VIT: variants seen among roughly 807,000 people sequenced by gnomAD.
VIT encodes vitrin.
In VIT, 99 loss-of-function variants were observed where a neutral mutation model predicts 78.0. That is an observed-to-expected ratio of 1.27 (90% CI 1.08 to 1.50). The LOEUF (loss-of-function observed/expected upper bound fraction) is 1.50, where lower values mean the gene tolerates loss of function less well. Ranked by LOEUF, VIT falls within the 40% of genes most tolerant of loss-of-function variation. VIT has a pLI of 0.00. For missense variants in VIT, 1,126 were observed against 875.3 expected (o/e 1.29, Z -3.61); for synonymous variants, 374 against 334.3 (o/e 1.12, Z -1.29).
intron 2 of VIT, among the ~76,000 whole-genome samples, chr2:36,720,210 G>C (rs1573144603): frequency 6.6e-6 from 1 of 152,176 alleles, no homozygotes; most frequent in African/African-American, 2.4e-5. Context: ...AAGAACAAAG[G>C]TGGAGGCATC....
chr2:36,736,553 A>C (rs1349962894), intron 3 of VIT, among the ~76,000 whole-genome samples: 2 of 152,368 alleles, frequency 1.3e-5, no homozygotes, highest in East Asian at 3.9e-4. Context: ...CAATGGCCTT[A>C]GTCCAAAGTG....
chr2:36,706,294 C>A (rs1665415222), intron 1 of VIT, among the ~76,000 whole-genome samples: 3 of 152,158 alleles, frequency 2.0e-5, no homozygotes, highest in Non-Finnish European at 1.5e-5. Flanking sequence ...TACTACTGAT[C>A]ATTTCAGGGG....
chr2:36,801,320 T>G lies in VIT; in HGVS notation c.1078T>G (p.Phe360Val). ...CTTCAGAGACAACCCTGCTACTCAC[T>G]TTAACCTCAAGACACACACGAATTC... ...VQYGDNPATHFNLKTHTNSRD... is the reference protein window; with the variant it reads ...VQYGDNPATHVNLKTHTNSRD... The change falls in exon 13 of 16, where the codon TTT (phenylalanine) becomes GTT (valine). Residue 360 changes from phenylalanine (F) to valine (V), a missense_variant. By Grantham distance (50) the Phe-to-Val change is conservative. Transcript: ENST00000379242. 2.5e-6 allele frequency: 4 copies of G among 1,614,112 alleles called. No individual in the cohort carries two copies. The highest frequency in any genetic ancestry group is 3.3e-4 in the Middle Eastern group (2 of 6,062).
Position 36,808,454 on chromosome 2 carries a change from C to T in VIT, c.1390-18C>T. On this transcript the variant is annotated intron_variant, in intron 14 of 15. Transcript: ENST00000379242. Reference sequence around the variant, plus strand: ...TTTGACCCTGACGTGGCGTGGGTCCCTCCCCTCTGTCTTCTAGGCCGTGTG... The same window carrying T: ...TTTGACCCTGACGTGGCGTGGGTCCTTCCCCTCTGTCTTCTAGGCCGTGTG... The T allele has an allele frequency of 1.3e-6, 2 of 1,586,134 alleles. No homozygotes were observed. The highest frequency in any genetic ancestry group is 1.7e-6 in the Non-Finnish European group (2 of 1,161,262).
At position 36,773,791 on chromosome 2, in the gene VIT, A is replaced by G; in HGVS notation, c.680A>G (p.Asp227Gly). 1 of 1,595,058 alleles carries G rather than the reference A, an allele frequency of 6.3e-7. No individual in the cohort carries two copies. Among genetic ancestry groups the G allele is most frequent in the Non-Finnish European group, 8.6e-7 (1 of 1,168,806 alleles). ...TCTGACCAGTCAAATGTCCTTACAGATCTCTGGTCCACTGCCACCTACACA... is the reference window on the plus strand; with the variant it reads ...TCTGACCAGTCAAATGTCCTTACAGGTCTCTGGTCCACTGCCACCTACACA... ...QSVGHRSQEM[D>G]LWSTATYTSS... Residue 227 changes from aspartate (D) to glycine (G), a missense_variant and splice_region_variant, in exon 8 of 16, where the codon GAT becomes GGT. Transcript: ENST00000379242.
At chr2:36,739,077 A>G (rs143036644) in intron 3 of VIT, among the ~76,000 whole-genome samples, 1 of 152,288 alleles carries the variant, frequency 6.6e-6, no homozygotes, top group East Asian at 1.9e-4. Context: ...TAAAAACAGG[A>G]TTTTACTCTA....
At chr2:36,762,102 T>A (rs756680133) in intron 6 of VIT, among the ~76,000 whole-genome samples, 1 of 152,216 alleles carries the variant, frequency 6.6e-6, no homozygotes, top group Non-Finnish European at 1.5e-5. Context: ...ACTTGGTTTG[T>A]ACGTTCTCCG....
At chr2:36,781,062 A>G (rs1462326022) in intron 9 of VIT, among the ~76,000 whole-genome samples, 2 of 152,152 alleles carry the variant, frequency 1.3e-5, no homozygotes, top group African/African-American at 4.8e-5. Flanking sequence ...ATCTTACTGC[A>G]TACAGGTCCA....
At chr2:36,803,913 C>G (rs1666515666) in intron 13 of VIT, among the ~76,000 whole-genome samples, 1 of 152,104 alleles carries the variant, frequency 6.6e-6, no homozygotes, top group South Asian at 2.1e-4. Context: ...TTCAAGTGCC[C>G]TGGGGTTCAC....
In VIT at chr2:36,783,404, T is replaced by A; in HGVS notation, c.910+2T>A. The A allele has an allele frequency of 6.2e-7, 1 of 1,614,086 alleles. No homozygotes were observed. The highest frequency in any genetic ancestry group is 1.3e-5 in the African/African-American group (1 of 75,038). On this transcript the variant is annotated splice_donor_variant, in intron 11 of 15. Coordinates refer to ENST00000379242, the MANE Select transcript of VIT (RefSeq NM_053276.4). LOFTEE classifies it high-confidence loss of function. ...AGCCAGTATCCCTGGGAGATCCAAG[T>A]AAGTTAATTGACAACTAGAAACCCA...
At chr2:36,811,572 G>A (rs11897052) in intron 15 of VIT, among the ~76,000 whole-genome samples, 2,329 of 152,272 alleles carry the variant, frequency 0.015, 58 homozygotes, top group African/African-American at 0.053. Context: ...GTCAAGGCTG[G>A]GTGACCATCT....
At chr2:36,778,246 A>T (rs928380198) in intron 9 of VIT, among the ~76,000 whole-genome samples, 2 of 151,938 alleles carry the variant, frequency 1.3e-5, no homozygotes, top group Non-Finnish European at 1.5e-5. Flanking sequence ...CAGGCCCCAC[A>T]CTCTCCTACT....
intron 3 of VIT, among the ~76,000 whole-genome samples, chr2:36,738,002 C>G (rs1036445299): frequency 2.0e-5 from 3 of 152,184 alleles, no homozygotes; most frequent in African/African-American, 7.2e-5. Flanking sequence ...CCTGGCAATT[C>G]TCAGAAATAA....
chr2:36,795,272 G>C (rs1244863761), intron 12 of VIT, among the ~76,000 whole-genome samples: 1 of 151,712 alleles, frequency 6.6e-6, no homozygotes, highest in Non-Finnish European at 1.5e-5. Flanking sequence ...TATGTGTAGA[G>C]GTGGGGAAAA....
chr2:36,698,565 G>A (rs923683177), intron 1 of VIT, among the ~76,000 whole-genome samples: 6 of 152,144 alleles, frequency 3.9e-5, no homozygotes, highest in African/African-American at 1.4e-4. Context: ...AGCAATGCCT[G>A]TACACCCTCC....
At chr2:36,779,342 C>G (rs1318807714) in intron 9 of VIT, among the ~76,000 whole-genome samples, 1 of 152,240 alleles carries the variant, frequency 6.6e-6, no homozygotes, top group Admixed American at 6.5e-5. Flanking sequence ...ATGATTGTGA[C>G]TTAATACGTA....
intron 1 of VIT, among the ~76,000 whole-genome samples, chr2:36,700,978 T>C (rs552405208): frequency 6.6e-6 from 1 of 150,406 alleles, no homozygotes; most frequent in African/African-American, 2.5e-5. Context: ...CCAAGAGGTC[T>C]ACTTCCAAAG....
At position 36,808,640 on chromosome 2, in the gene VIT, A is replaced by G. The variant is rs373997185; in HGVS notation, c.1558A>G (p.Ser520Gly). The G allele has an allele frequency of 6.2e-7, 1 of 1,614,114 alleles. No homozygotes were observed. The highest frequency in any genetic ancestry group is 1.3e-5 in the African/African-American group (1 of 74,942). Residue 520 changes from serine to glycine, a missense_variant, in exon 15 of 16, where the codon AGT (serine) becomes GGT (glycine). By Grantham distance (56) the Ser-to-Gly change is moderately conservative (BLOSUM62 0). Transcript: ENST00000379242. ...TGGCTTCGTCATCGACGGCTCCAGC[A>G]GTGTGGGGACGGGCAACTTCCGCAC... ...DIGFVIDGSS[S>G]VGTGNFRTVL... is the part of the protein sequence containing the mutation.
In VIT at chr2:36,814,769, T is replaced by C. The variant is rs1452683081; in HGVS notation, c.*408T>C. Reference sequence around the variant, plus strand: ...CATGACAATGTAGGAATTGCTGAATTAAATGTTTAGAAGGATGACATGCAA... The same window carrying C: ...CATGACAATGTAGGAATTGCTGAATCAAATGTTTAGAAGGATGACATGCAA... On this transcript the variant is annotated 3_prime_UTR_variant, in exon 16 of 16. Coordinates refer to ENST00000379242, the MANE Select transcript of VIT (RefSeq NM_053276.4). 6.2e-6 allele frequency: 1 copy of C among 161,274 alleles called. No homozygotes were observed. The highest frequency in any genetic ancestry group is 1.3e-5 in the Non-Finnish European group (1 of 74,148). The allele number at this position is 161,274 out of a possible 1,614,324, so 10.0% of individuals were successfully genotyped here.
Sources: gnomAD v4.1 joint callset for allele counts (sites outside exome capture counted in the v4.1 genomes callset) on GRCh38, gnomAD v4.1.1 for gene constraint, MANE v1.5 for transcripts, NCBI Gene and HGNC (gene_info 2026-07-23, HGNC 2026-07-21) for gene names.